MKX: variants seen among roughly 807,000 people sequenced by gnomAD.
The protein encoded by MKX is mohawk homeobox.
Under a neutral mutation model 36.0 loss-of-function variants are expected in MKX, and 13 were observed. The observed-to-expected ratio is 0.36, with a 90% CI of 0.24 to 0.57. The LOEUF (loss-of-function observed/expected upper bound fraction) is 0.57. MKX is among the 20% of genes least tolerant of loss of function. MKX has a pLI of 0.79. For synonymous variants in MKX, 176 were observed against 178.3 expected, an observed-to-expected ratio of 0.99 and a Z score of 0.10; for missense variants, 458 against 456.4, an observed-to-expected ratio of 1.00 and a Z score of -0.03.
intron 5 of MKX, among the ~76,000 whole-genome samples, chr10:27,682,063 T>C (rs1345861028): frequency 1.3e-5 from 2 of 152,092 alleles, no homozygotes; most frequent in Non-Finnish European, 2.9e-5. Context: ...GGACAAGACA[T>C]GGAGGTGGAA....
At chr10:27,707,906 G>A (rs1299661751) in intron 5 of MKX, among the ~76,000 whole-genome samples, 1 of 152,134 alleles carries the variant, frequency 6.6e-6, no homozygotes, top group East Asian at 1.9e-4. Flanking sequence ...AAAGTACAGT[G>A]ACTTAATGTC....
chr10:27,728,280 C>T (rs528565313), intron 5 of MKX, among the ~76,000 whole-genome samples: 1 of 152,276 alleles, frequency 6.6e-6, no homozygotes, highest in African/African-American at 2.4e-5. Flanking sequence ...GCGTGTGCAC[C>T]GAGGCACTCA....
At chr10:27,712,836 C>A (rs1432458996) in intron 5 of MKX, among the ~76,000 whole-genome samples, 1 of 152,094 alleles carries the variant, frequency 6.6e-6, no homozygotes, top group Non-Finnish European at 1.5e-5. Context: ...ACTAGAGAAG[C>A]TGAGGTGGGG....
chr10:27,707,129 C>T (rs1341154280), intron 5 of MKX, among the ~76,000 whole-genome samples: 1 of 147,806 alleles, frequency 6.8e-6, no homozygotes, highest in Non-Finnish European at 1.5e-5. Flanking sequence ...GCTAAACTGT[C>T]AGGTGACAAA....
intron 5 of MKX, among the ~76,000 whole-genome samples, chr10:27,712,316 CT>C (rs1836887744): frequency 1.3e-5 from 2 of 152,188 alleles, no homozygotes; most frequent in South Asian, 4.1e-4. Flanking sequence ...AGAAAATACA[CT>C]ACCATTTAAT....
intron 5 of MKX, among the ~76,000 whole-genome samples, chr10:27,711,222 CTGGGAAAAGA>C (rs1451692738): frequency 6.6e-6 from 1 of 152,160 alleles, no homozygotes; most frequent in African/African-American, 2.4e-5. Flanking sequence ...AGCTTCATCA[CTGGGAAAAGA>C]ATGCATCTCT....
At chr10:27,703,568 A>T (rs1836698449) in intron 5 of MKX, among the ~76,000 whole-genome samples, 1 of 152,066 alleles carries the variant, frequency 6.6e-6, no homozygotes, top group African/African-American at 2.4e-5. Flanking sequence ...TGCAAATATG[A>T]TTGTACTGCT....
intron 1 of MKX, among the ~76,000 whole-genome samples, chr10:27,745,115 CG>C (rs1159328477): frequency 6.6e-6 from 1 of 152,200 alleles, no homozygotes; most frequent in Admixed American, 6.5e-5. Flanking sequence ...CACCCTTCCC[CG>C]GCCCGGCCTT....
At chr10:27,677,194 T>C (rs951324313) in intron 5 of MKX, among the ~76,000 whole-genome samples, 1 of 152,180 alleles carries the variant, frequency 6.6e-6, no homozygotes, top group African/African-American at 2.4e-5. Context: ...CTACTGCACT[T>C]GGCACTGTGC....
At chr10:27,715,093 G>A (rs1836939955) in intron 5 of MKX, among the ~76,000 whole-genome samples, 1 of 151,106 alleles carries the variant, frequency 6.6e-6, no homozygotes, top group Non-Finnish European at 1.5e-5. Flanking sequence ...CAAAGGAGCA[G>A]CTCTCCCCAC....
intron 5 of MKX, among the ~76,000 whole-genome samples, chr10:27,717,738 C>G (rs1342209454): frequency 6.6e-6 from 1 of 152,186 alleles, no homozygotes; most frequent in Non-Finnish European, 1.5e-5. Flanking sequence ...TGATTTTTGC[C>G]CAGTGGCGAG....
chr10:27,724,751 C>T (rs1834450606), intron 5 of MKX, among the ~76,000 whole-genome samples: 1 of 107,720 alleles, frequency 9.3e-6, no homozygotes, highest in Non-Finnish European at 1.8e-5. Context: ...ACTGCTACTA[C>T]TACCTACACA....
At chr10:27,707,557 A>AGC (rs1219106478) in intron 5 of MKX, among the ~76,000 whole-genome samples, 3 of 152,142 alleles carry the variant, frequency 2.0e-5, no homozygotes, top group Non-Finnish European at 2.9e-5. Flanking sequence ...GCGGGAACCC[A>AGC]GCACTGCTGT....
chr10:27,689,792 C>T (rs1227096283), intron 5 of MKX, among the ~76,000 whole-genome samples: 1 of 151,898 alleles, frequency 6.6e-6, no homozygotes, highest in Non-Finnish European at 1.5e-5. Context: ...AAGGTAGCCT[C>T]CAAAAAAAGG....
chr10:27,675,283 C>G lies in MKX; in HGVS notation c.1005G>C (p.Ser335=), dbSNP rs768495764. 6.2e-7 allele frequency: 1 copy of G among 1,614,036 alleles called. No homozygotes were observed. The highest frequency in any genetic ancestry group is 1.3e-5 in the African/African-American group (1 of 74,902). The part of the protein sequence containing the change: ...QGTTSCIIQK[S]SHIAEVKTVK... ...CAGTCTTTACTTCTGCTATATGGGA[C>G]GACTTCTGGATGATGCAGCTGGTAG... is the stretch of plus-strand genomic sequence containing the variant. The change falls in exon 7 of 7, where the codon TCG becomes TCC. Residue 335 remains serine, a synonymous_variant. Transcript: ENST00000419761.
intron 3 of MKX, among the ~76,000 whole-genome samples, chr10:27,737,905 C>T (rs556469493): frequency 6.6e-6 from 1 of 151,966 alleles, no homozygotes; most frequent in African/African-American, 2.4e-5. Flanking sequence ...AATGCAATGG[C>T]CTTCTAATTT....
chr10:27,744,083 TTC>T lies in MKX; in HGVS notation c.-82-588_-82-587del, dbSNP rs907083379. ...ATGGTTTGGTTGAAACCCCCGCATC[TTC>T]TGTCCGCCAAGGTCCCCCGGGGTGA... On this transcript the variant is annotated intron_variant, in intron 1 of 6. Coordinates refer to ENST00000419761, the MANE Select transcript of MKX (RefSeq NM_173576.3). This position sits in a 1 kb window ranked among gnomAD's most constrained non-coding sequence, Gnocchi z 5.6. 6.6e-6 allele frequency among the ~76,000 whole-genome samples: 1 copy of T among 152,142 alleles called. No homozygotes were observed. Among genetic ancestry groups the T allele is most frequent in the African/African-American group, 2.4e-5 (1 of 41,438 alleles).
intron 5 of MKX, among the ~76,000 whole-genome samples, chr10:27,709,325 G>A (rs1400052399): frequency 6.6e-6 from 1 of 152,114 alleles, no homozygotes; most frequent in Non-Finnish European, 1.5e-5. Flanking sequence ...TGATTTAAAG[G>A]ATACAGGGGG....
At chr10:27,684,142 C>T (rs915298271) in intron 5 of MKX, among the ~76,000 whole-genome samples, 3 of 151,842 alleles carry the variant, frequency 2.0e-5, no homozygotes, top group African/African-American at 2.4e-5. Context: ...ATTGAGACTC[C>T]GTGTCTATTA....
Sources: allele counts gnomAD v4.1 joint callset (sites outside exome capture counted in the v4.1 genomes callset), GRCh38; gene constraint gnomAD v4.1.1; non-coding constraint Gnocchi (gnomAD v3.1); transcripts MANE v1.5; gene names NCBI Gene and HGNC (gene_info 2026-07-23, HGNC 2026-07-21).